Variants in ECE1 observed in about 807,000 individuals in gnomAD.
The protein encoded by ECE1 is endothelin converting enzyme 1.
Under a neutral mutation model 98.6 loss-of-function variants are expected in ECE1, and 35 were observed. That is an observed-to-expected ratio of 0.35 (90% CI 0.27 to 0.47). The LOEUF is 0.47. ECE1 is among the 20% of genes least tolerant of loss of function. The probability of loss-of-function intolerance (pLI) is 1.00; values close to 1 mark genes in which losing one functional copy is unlikely to be tolerated. For missense variants in ECE1, 814 were observed against 1,025.3 expected, an observed-to-expected ratio of 0.79 and a Z score of 2.81; for synonymous variants, 394 against 407.1, an observed-to-expected ratio of 0.97 and a Z score of 0.39.
intron 2 of ECE1, 27 bp from the exon 3 acceptor site, chr1:21,279,359 G>A: frequency 1.2e-6 from 2 of 1,613,978 alleles, no homozygotes; most frequent in Non-Finnish European, 1.7e-6. Flanking sequence ...AGGAGGGGCG[G>A]GGAAGACGTG....
intron 2 of ECE1, among the ~76,000 whole-genome samples, chr1:21,280,728 C>T (rs1453831065): frequency 2.0e-5 from 3 of 152,128 alleles, no homozygotes; most frequent in African/African-American, 7.2e-5. Flanking sequence ...TGAGGGAGTC[C>T]CACCCTGGCA....
chr1:21,311,333 G>A (rs574931149), intron 1 of ECE1, among the ~76,000 whole-genome samples: 19 of 152,006 alleles, frequency 1.2e-4, no homozygotes, highest in Non-Finnish European at 2.5e-4. Context: ...CTCAGTAGGC[G>A]TGTCCCATGC....
At chr1:21,245,177 CCT>C in intron 9 of ECE1, 74 bp from the exon 10 acceptor site, 2 of 1,353,900 alleles carry the variant, frequency 1.5e-6, no homozygotes, top group Non-Finnish European at 2.1e-6. Context: ...CCTGCTGGCC[CCT>C]AGGGGGCTCT....
chr1:21,317,991 C>T (rs1352560352), intron 1 of ECE1, among the ~76,000 whole-genome samples: 1 of 152,218 alleles, frequency 6.6e-6, no homozygotes, highest in Non-Finnish European at 1.5e-5. Context: ...GGGGACAAAA[C>T]ACATGCAAAG....
intron 1 of ECE1, among the ~76,000 whole-genome samples, chr1:21,302,902 A>G (rs967193777): frequency 6.6e-6 from 1 of 152,228 alleles, no homozygotes; most frequent in Non-Finnish European, 1.5e-5. Flanking sequence ...GGGCAGCAGC[A>G]GCCTGCCGTG....
intron 3 of ECE1, among the ~76,000 whole-genome samples, chr1:21,273,346 C>CGT (rs60168069): frequency 0.34 from 45,778 of 132,892 alleles, 7,764 homozygotes; most frequent in Admixed American, 0.43. Context: ...TGCGTGTGTG[C>CGT]GTGTGTGTGT....
intron 6 of ECE1, among the ~76,000 whole-genome samples, chr1:21,257,821 G>A (rs913712447): frequency 1.3e-5 from 2 of 152,214 alleles, no homozygotes; most frequent in Non-Finnish European, 2.9e-5. Flanking sequence ...CCTCAGAAGG[G>A]CTGGACAGAG....
chr1:21,248,604 C>T (rs760887703), intron 8 of ECE1, among the ~76,000 whole-genome samples: 1 of 151,964 alleles, frequency 6.6e-6, no homozygotes, highest in African/African-American at 2.4e-5. Context: ...ACCCTAAAGG[C>T]GCTTGTTCAG....
chr1:21,270,319 C>A (rs150223997), intron 4 of ECE1, among the ~76,000 whole-genome samples: 1 of 152,244 alleles, frequency 6.6e-6, no homozygotes, highest in Non-Finnish European at 1.5e-5. Flanking sequence ...CAGTGCACAG[C>A]GCACGGCGGA....
At chr1:21,247,120 C>T (rs2098204769) in intron 9 of ECE1, 101 bp downstream of exon 9, 1 of 1,550,528 alleles carries the variant, frequency 6.4e-7, no homozygotes, top group African/African-American at 1.4e-5. Flanking sequence ...CGCCCAGGTC[C>T]CACTCTCCTG....
At chr1:21,223,931 C>A (rs987016103) in intron 17 of ECE1, among the ~76,000 whole-genome samples, 2 of 152,166 alleles carry the variant, frequency 1.3e-5, no homozygotes, top group Non-Finnish European at 2.9e-5. Flanking sequence ...TGAATCATGT[C>A]ATTCCTCTAT....
chr1:21,250,252 T>G (rs985695346), intron 8 of ECE1, among the ~76,000 whole-genome samples: 3 of 152,248 alleles, frequency 2.0e-5, no homozygotes, highest in Admixed American at 6.5e-5. Flanking sequence ...GTGATTGGCT[T>G]ATTTCGCTTA....
chr1:21,226,964 T>C (rs1299638322), intron 16 of ECE1, among the ~76,000 whole-genome samples, 195 bp downstream of exon 16: 1 of 152,126 alleles, frequency 6.6e-6, no homozygotes, highest in Non-Finnish European at 1.5e-5. Context: ...CCTCAGGTGA[T>C]CCACCAGCCT....
chr1:21,336,449 C>T (rs987106929), intron 1 of ECE1, among the ~76,000 whole-genome samples: 1 of 152,140 alleles, frequency 6.6e-6, no homozygotes, highest in African/African-American at 2.4e-5. Context: ...AATCCCAGCA[C>T]TTTGGGAGGA....
intron 1 of ECE1, among the ~76,000 whole-genome samples, chr1:21,311,594 C>A (rs776827072): frequency 3.3e-5 from 5 of 150,032 alleles, no homozygotes; most frequent in African/African-American, 4.9e-5. Flanking sequence ...GTGGGAGGAT[C>A]GCTTGAGCTC....
intron 8 of ECE1, among the ~76,000 whole-genome samples, chr1:21,248,099 T>C (rs1444490979): frequency 4.6e-5 from 7 of 152,074 alleles, no homozygotes; most frequent in East Asian, 1.9e-4. Context: ...TCGGGAAGGG[T>C]TGAACATTAA....
At chr1:21,221,625 C>T (rs2098167573) in intron 18 of ECE1, 122 bp downstream of exon 18, 2 of 1,009,056 alleles carry the variant, frequency 2.0e-6, no homozygotes, top group Non-Finnish European at 3.2e-6. Flanking sequence ...ATGTGCTGTG[C>T]ACAGTCCAGT....
chr1:21,290,524 G>A (rs545499254), upstream of ECE1: 40 of 1,202,554 alleles, frequency 3.3e-5, no homozygotes, highest in South Asian at 7.1e-4. The surrounding 1 kb of genome is among the most constrained non-coding windows in gnomAD (Gnocchi z 7.3). Flanking sequence ...GCCGGCGCCC[G>A]GTTCCCAACC....
intron 3 of ECE1, among the ~76,000 whole-genome samples, chr1:21,277,810 G>C (rs1201790875): frequency 6.6e-6 from 1 of 152,168 alleles, no homozygotes; most frequent in Non-Finnish European, 1.5e-5. Flanking sequence ...AGGCACATTT[G>C]GTAAAACACC....
Sources: allele counts gnomAD v4.1 joint callset (sites outside exome capture counted in the v4.1 genomes callset), GRCh38; gene constraint gnomAD v4.1.1; non-coding constraint Gnocchi (gnomAD v3.1); transcripts MANE v1.5; gene names NCBI Gene and HGNC (gene_info 2026-07-23, HGNC 2026-07-21).